Variants in TCF7L1 observed in about 807,000 individuals in gnomAD.
The protein encoded by TCF7L1 is transcription factor 7-like 1.
TCF7L1 carries 18 observed loss-of-function variants against 63.7 expected under a neutral mutation model. That is an observed-to-expected ratio of 0.28 (90% CI 0.20 to 0.42). The LOEUF (loss-of-function observed/expected upper bound fraction) is 0.42, where lower values mean the gene tolerates loss of function less well. TCF7L1 is among the 10% of genes least tolerant of loss of function. The pLI is 1.00. For missense variants in TCF7L1, 654 were observed against 779.3 expected (o/e 0.84, Z 1.91); for synonymous variants, 355 against 340.9 (o/e 1.04, Z -0.46).
chr2:85,258,612 C>T (rs1680780029), intron 3 of TCF7L1, among the ~76,000 whole-genome samples: 1 of 152,152 alleles, frequency 6.6e-6, no homozygotes, highest in Non-Finnish European at 1.5e-5. Context: ...TCGAGCCTGG[C>T]CTTTTCGTAG....
intron 3 of TCF7L1, among the ~76,000 whole-genome samples, chr2:85,249,335 G>T (rs981734950): frequency 6.6e-6 from 1 of 152,136 alleles, no homozygotes. Flanking sequence ...CCCTTGCATG[G>T]GTGAGCAGAG....
intron 3 of TCF7L1, among the ~76,000 whole-genome samples, chr2:85,205,488 C>T (rs897898604): frequency 2.0e-5 from 3 of 151,312 alleles, no homozygotes; most frequent in African/African-American, 7.3e-5. Flanking sequence ...CCGGCCTGTT[C>T]ATAGAAGACT....
At chr2:85,296,969 A>G (rs997299711) in intron 4 of TCF7L1, among the ~76,000 whole-genome samples, 18 of 152,264 alleles carry the variant, frequency 1.2e-4, no homozygotes, top group African/African-American at 3.6e-4. Context: ...ATAAAACTCA[A>G]TGAAAATTGA....
intron 3 of TCF7L1, among the ~76,000 whole-genome samples, chr2:85,169,504 T>C (rs185985386): frequency 5.7e-4 from 86 of 152,012 alleles, no homozygotes; most frequent in African/African-American, 2.0e-3. Context: ...CATTTTCTCA[T>C]ATGTACCTCA....
Position 85,174,722 on chromosome 2 carries a change from A to G in TCF7L1, c.441+40272A>G, listed in dbSNP as rs139287086. On this transcript the variant is annotated intron_variant, in intron 3 of 11. Transcript: ENST00000282111. ...AGCATCCCCCTGACTCCGCCTGACA[A>G]CCATCATTTCTCTTCAGTTTTCACT... 1.2e-3 allele frequency among the ~76,000 whole-genome samples: 186 copies of G among 152,202 alleles called. 3 individuals carry two copies. In the East Asian group the frequency reaches 0.029, roughly 23 times the overall value.
In TCF7L1 at chr2:85,258,703, G is replaced by A. The variant is rs920032149; in HGVS notation, c.442-24792G>A. On this transcript the variant is annotated intron_variant, in intron 3 of 11. Coordinates refer to ENST00000282111, the MANE Select transcript of TCF7L1 (RefSeq NM_031283.3). ...AGTTATAACTTTTACATGTGTAAGC[G>A]TATGGGCTTGCATCTATGTTCTTGT... Among the ~76,000 whole-genome samples the A allele has an allele frequency of 3.9e-5, 6 of 152,148 alleles. No homozygotes were observed. In the South Asian group the frequency reaches 8.3e-4, roughly 21 times the overall value.
At chr2:85,136,609 C>A (rs1366301429) in intron 3 of TCF7L1, among the ~76,000 whole-genome samples, 2 of 152,188 alleles carry the variant, frequency 1.3e-5, no homozygotes, top group African/African-American at 4.8e-5. Context: ...ATCCCACCCC[C>A]ATACCTACAT....
At chr2:85,180,320 G>C (rs1171071717) in intron 3 of TCF7L1, among the ~76,000 whole-genome samples, 1 of 149,798 alleles carries the variant, frequency 6.7e-6, no homozygotes, top group Non-Finnish European at 1.5e-5. Context: ...TGATTGTCCC[G>C]CCTTGGCCTC....
intron 3 of TCF7L1, among the ~76,000 whole-genome samples, chr2:85,203,541 A>G (rs1679325937): frequency 6.6e-6 from 1 of 152,158 alleles, no homozygotes; most frequent in Non-Finnish European, 1.5e-5. Context: ...AGCCTGAGCA[A>G]CATAGCAAGA....
intron 4 of TCF7L1, among the ~76,000 whole-genome samples, chr2:85,284,771 G>A (rs1573025650): frequency 6.6e-6 from 1 of 152,274 alleles, no homozygotes; most frequent in African/African-American, 2.4e-5. Context: ...TAGGCGTTGG[G>A]CTTCTATGAT....
chr2:85,286,360 AAAC>A (rs1344702282), intron 4 of TCF7L1, among the ~76,000 whole-genome samples: 18 of 151,036 alleles, frequency 1.2e-4, no homozygotes, highest in South Asian at 1.0e-3. Flanking sequence ...GTGACTCAAA[AAAC>A]AAACAAACAA....
chr2:85,202,821 A>G (rs1309216371), intron 3 of TCF7L1, among the ~76,000 whole-genome samples: 1 of 152,074 alleles, frequency 6.6e-6, no homozygotes, highest in Non-Finnish European at 1.5e-5. Flanking sequence ...TTTGAACCTA[A>G]AGTACCTCCG....
chr2:85,213,068 G>T (rs772376809), intron 3 of TCF7L1, among the ~76,000 whole-genome samples: 1 of 151,332 alleles, frequency 6.6e-6, no homozygotes, highest in African/African-American at 2.4e-5. Flanking sequence ...GACTGGACTG[G>T]TGACCCAAGG....
chr2:85,233,081 GC>G (rs1005399806), intron 3 of TCF7L1: 1 of 152,048 alleles, frequency 6.6e-6, no homozygotes, highest in African/African-American at 2.4e-5. Context: ...ACAGGTATGT[GC>G]CACCATGCCT....
rs1320512829 is a variant in TCF7L1, at chr2:85,133,649, G to A, written c.-36G>A. 3.5e-6 allele frequency: 3 copies of A among 865,688 alleles called. No individual in the cohort carries two copies. Among genetic ancestry groups the A allele is most frequent in the Non-Finnish European group, 1.4e-6 (1 of 722,856 alleles). 53.6% of individuals were successfully genotyped at this position (865,688 alleles called of 1,614,324 possible). ...CCGGGCAGGGCGCGGGCGGCTAGGG[G>A]CTCCGAGAGCGGCGGCCCCGGCCCG... On this transcript the variant is annotated 5_prime_UTR_variant, in exon 1 of 12. Coordinates refer to ENST00000282111, the MANE Select transcript of TCF7L1 (RefSeq NM_031283.3). The surrounding 1 kb of genome is among the most constrained non-coding windows in gnomAD (Gnocchi z 4.4).
At chr2:85,196,098 T>C (rs1679148593) in intron 3 of TCF7L1, among the ~76,000 whole-genome samples, 1 of 152,168 alleles carries the variant, frequency 6.6e-6, no homozygotes, top group Admixed American at 6.5e-5. Flanking sequence ...TTGATGTTGC[T>C]GGCATTTCCA....
chr2:85,215,537 G>T (rs896442068), intron 3 of TCF7L1, among the ~76,000 whole-genome samples: 13 of 152,302 alleles, frequency 8.5e-5, no homozygotes, highest in African/African-American at 3.1e-4. Context: ...GCGGGAACAT[G>T]GTCGAGTTGG....
chr2:85,241,427 CTTTGTTTTTGTTTTTTTTTTTTTTTT>C (rs901383841), intron 3 of TCF7L1, among the ~76,000 whole-genome samples: 1 of 107,226 alleles, frequency 9.3e-6, no homozygotes, highest in Non-Finnish European at 1.8e-5. Context: ...ACTGGATGCA[CTTTGTTTTTGTTTTTTTTTTTTTTTT>C]TTTTTTTTTT....
chr2:85,305,554 G>A (rs758603917), intron 8 of TCF7L1, 151 bp downstream of exon 8: 7 of 951,942 alleles, frequency 7.4e-6, no homozygotes, highest in South Asian at 1.7e-5. Context: ...CCTCTTCCTC[G>A]GGACTTACTC....
Sources: allele counts gnomAD v4.1 joint callset (sites outside exome capture counted in the v4.1 genomes callset), GRCh38; gene constraint gnomAD v4.1.1; non-coding constraint Gnocchi (gnomAD v3.1); transcripts MANE v1.5; gene names NCBI Gene and HGNC (gene_info 2026-07-23, HGNC 2026-07-21).